CYP51A1: variants seen among roughly 807,000 people sequenced by gnomAD.
CYP51A1 encodes the protein lanosterol 14-alpha demethylase.
A neutral mutation model predicts 53.5 loss-of-function variants in CYP51A1; 45 were observed. That is an observed-to-expected ratio of 0.84 (90% CI 0.66 to 1.08). The LOEUF (loss-of-function observed/expected upper bound fraction) is 1.08. Ranked by LOEUF, CYP51A1 falls within the 50% of genes least tolerant of loss-of-function variation. The pLI is 0.00. For synonymous variants in CYP51A1, 181 were observed against 217.7 expected, an observed-to-expected ratio of 0.83 and a Z score of 1.48; for missense variants, 462 against 621.7, an observed-to-expected ratio of 0.74 and a Z score of 2.73.
chr7:92,123,329 CAA>C lies in CYP51A1; in HGVS notation c.891-16_891-15del, dbSNP rs769922315. The C allele has an allele frequency of 1.1e-5, 17 of 1,594,710 alleles. No individual in the cohort carries two copies. Among genetic ancestry groups the C allele is most frequent in the African/African-American group, 1.4e-5 (1 of 74,044 alleles). On this transcript the variant is annotated splice_polypyrimidine_tract_variant and intron_variant, in intron 6 of 9. Coordinates refer to ENST00000003100, the MANE Select transcript of CYP51A1 (RefSeq NM_000786.4). ...GGACGCCCATCCCTAAGGAATGAAC[CAA>C]AGACACAAATTTAACATTTTGGCAG...
rs1052346781 is a variant in CYP51A1, at chr7:92,112,969, A to ATT, written c.*694_*695dup. 1 of 152,098 alleles carries ATT rather than the reference A, an allele frequency of 6.6e-6. No individual in the cohort carries two copies. The highest frequency in any genetic ancestry group is 2.4e-5 in the African/African-American group (1 of 41,414). 9.4% of individuals were successfully genotyped at this position (152,098 alleles called of 1,614,324 possible). A position where few individuals can be genotyped will look rare whatever the true frequency, so the allele number is the denominator to read the frequency against. On this transcript the variant is annotated 3_prime_UTR_variant, in exon 10 of 10. Coordinates refer to ENST00000003100, the MANE Select transcript of CYP51A1 (RefSeq NM_000786.4). ...TTATCAGGTAAATAAATATGTAATT[A>ATT]TTTAGTAATTAGATCAAGATACATG...
rs1450573397 is a variant in CYP51A1, at chr7:92,113,126, CATTTCT to C, written c.*533_*538del. 1 of 152,108 alleles carries C rather than the reference CATTTCT, an allele frequency of 6.6e-6. No homozygotes were observed. The highest frequency in any genetic ancestry group is 2.4e-5 in the African/African-American group (1 of 41,384). The allele number at this position is 152,108 out of a possible 1,614,324, so 9.4% of individuals were successfully genotyped here. ...GGATTTCTTTTTCCTATAATATCTC[CATTTCT>C]GAGTATCATCATACCAAAACAATTA... On this transcript the variant is annotated 3_prime_UTR_variant, in exon 10 of 10. Transcript: ENST00000003100.
Position 92,120,804 on chromosome 7 carries a change from A to T in CYP51A1, c.1087-2189T>A, listed in dbSNP as rs367984347. 1.5e-4 allele frequency among the ~76,000 whole-genome samples: 23 copies of T among 152,332 alleles called. No individual in the cohort carries two copies. In the East Asian group the frequency reaches 3.3e-3, roughly 22 times the overall value. ...AAATCTTCATACACTTTGATTAGGC[A>T]TTAGTTTCTCTGACACCAAAAGCAC... is the stretch of plus-strand genomic sequence containing the variant. On this transcript the variant is annotated intron_variant, in intron 7 of 9. Transcript: ENST00000003100.
chr7:92,120,142 A>ATCTTATTT (rs1819661104), intron 7 of CYP51A1, among the ~76,000 whole-genome samples: 1 of 152,246 alleles, frequency 6.6e-6, no homozygotes, highest in Admixed American at 6.5e-5. Context: ...AATAAGAGAA[A>ATCTTATTT]GACATCTCAT....
chr7:92,131,729 T>C, intron 2 of CYP51A1, 45 bp downstream of exon 2: 1 of 1,051,168 alleles, frequency 9.5e-7, no homozygotes, highest in East Asian at 2.4e-5. Context: ...AAAGCACTTC[T>C]CTAGTTGTTT....
rs1819923519 is a variant in CYP51A1 at position 92,131,720 on chromosome 7, AAGCACTTCTCT to A, written c.291+43_291+53del. 3 of 991,102 alleles carry A rather than the reference AAGCACTTCTCT, an allele frequency of 3.0e-6. No individual in the cohort carries two copies. In the South Asian group the frequency reaches 4.5e-5, roughly 15 times the overall value. 61.4% of individuals were successfully genotyped at this position (991,102 alleles called of 1,614,324 possible). On this transcript the variant is annotated intron_variant, in intron 2 of 9. Coordinates refer to ENST00000003100, the MANE Select transcript of CYP51A1 (RefSeq NM_000786.4). ...TGCCACTTTTTTAAAAAAGTTTAAA[AAGCACTTCTCT>A]AGTTGTTTTTTTTTTTTTCCTCTAA... is the stretch of plus-strand genomic sequence containing the variant.
intron 8 of CYP51A1, among the ~76,000 whole-genome samples, chr7:92,117,992 A>G (rs1164036086): frequency 6.6e-6 from 1 of 151,910 alleles, no homozygotes; most frequent in East Asian, 1.9e-4. Flanking sequence ...CCGTCTCAAA[A>G]AAAAAAAAAA....
At chr7:92,129,099 G>T in intron 2 of CYP51A1, 43 bp from the exon 3 acceptor site, 1 of 1,321,216 alleles carries the variant, frequency 7.6e-7, no homozygotes, top group South Asian at 1.4e-5. Context: ...CAAAAAATAT[G>T]CAACACTACG....
In CYP51A1 at chr7:92,123,605, G is replaced by A. The variant is rs532637005; in HGVS notation, c.890+129C>T. ...ATAGTTTATGTCTCAACAATTTAAA[G>A]AGTCCAAAGATCACAGCTACCAACT... On this transcript the variant is annotated intron_variant, in intron 6 of 9. Coordinates refer to ENST00000003100, the MANE Select transcript of CYP51A1 (RefSeq NM_000786.4). 65 of 865,650 alleles carry A rather than the reference G, an allele frequency of 7.5e-5. No homozygotes were observed. In the African/African-American group the frequency reaches 9.4e-4, roughly 13 times the overall value. 53.6% of individuals were successfully genotyped at this position (865,650 alleles called of 1,614,324 possible).
At chr7:92,118,754 G>A (rs1375413823) in intron 7 of CYP51A1, 139 bp from the exon 8 acceptor site, 3 of 603,818 alleles carry the variant, frequency 5.0e-6, no homozygotes, top group Non-Finnish European at 9.0e-6. Flanking sequence ...GGGTGGCTGG[G>A]GTTATCATGC....
At chr7:92,128,812 T>C (rs1819860618) in intron 3 of CYP51A1, 68 bp downstream of exon 3, 5 of 1,322,428 alleles carry the variant, frequency 3.8e-6, no homozygotes, top group South Asian at 1.4e-5. Flanking sequence ...AAATGTATAA[T>C]GTCTCACTAT....
chr7:92,127,545 T>C lies in CYP51A1; in HGVS notation c.555A>G (p.Thr185=), dbSNP rs72552785. 7.4e-6 allele frequency: 12 copies of C among 1,612,456 alleles called. No homozygotes were observed. The highest frequency in any genetic ancestry group is 9.3e-6 in the Non-Finnish European group (11 of 1,179,402). The part of the protein sequence containing the change: ...KQHVSIIEKE[T]KEYFESWGES... ...CTCCCCAACTCTCAAAGTATTCCTT[T>C]GTTTCTTTTTCAATTATAGAAACAT... The change falls in exon 4 of 10, where the codon ACA becomes ACG. Residue 185 remains threonine, a synonymous_variant. Transcript: ENST00000003100.
At chr7:92,132,744 G>A (rs532849234) in intron 1 of CYP51A1, among the ~76,000 whole-genome samples, 11 of 152,186 alleles carry the variant, frequency 7.2e-5, no homozygotes, top group Non-Finnish European at 1.3e-4. Flanking sequence ...AAGTGAACTA[G>A]AGCCACTGAT....
intron 5 of CYP51A1, among the ~76,000 whole-genome samples, chr7:92,125,091 C>T (rs1819771282): frequency 6.7e-6 from 1 of 149,806 alleles, no homozygotes; most frequent in South Asian, 2.1e-4. Context: ...TTGCAGTGAG[C>T]CGAGCTCATG....
chr7:92,125,047 GGC>G (rs1819769448), intron 5 of CYP51A1, among the ~76,000 whole-genome samples: 1 of 151,766 alleles, frequency 6.6e-6, no homozygotes, highest in Non-Finnish European at 1.5e-5. Context: ...GGGAGGCTGA[GGC>G]AGGAGAATGG....
chr7:92,128,451 T>C (rs1013829936), intron 3 of CYP51A1, among the ~76,000 whole-genome samples: 4 of 148,020 alleles, frequency 2.7e-5, no homozygotes, highest in Non-Finnish European at 6.0e-5. Flanking sequence ...TGTGTGTGTG[T>C]GTGTGCGCGT....
At chr7:92,129,114 TA>T (rs1819868577) in intron 2 of CYP51A1, 58 bp from the exon 3 acceptor site, 4 of 1,080,058 alleles carry the variant, frequency 3.7e-6, no homozygotes, top group Non-Finnish European at 5.2e-6. Flanking sequence ...ACTACGACAG[TA>T]ACTTTTTAAA....
intron 9 of CYP51A1, among the ~76,000 whole-genome samples, chr7:92,114,152 A>G (rs1819532789): frequency 6.6e-6 from 1 of 152,200 alleles, no homozygotes; most frequent in African/African-American, 2.4e-5. Context: ...GGAATATAGT[A>G]GAATATTCTG....
At chr7:92,124,801 C>T (rs571541981) in intron 5 of CYP51A1, among the ~76,000 whole-genome samples, 65 of 152,166 alleles carry the variant, frequency 4.3e-4, no homozygotes, top group Admixed American at 7.2e-4. Flanking sequence ...ACATAGCAAG[C>T]TCTGACTTCA....
Sources: gnomAD v4.1 joint callset for allele counts (sites outside exome capture counted in the v4.1 genomes callset) on GRCh38, gnomAD v4.1.1 for gene constraint, MANE v1.5 for transcripts, NCBI Gene and HGNC (gene_info 2026-07-23, HGNC 2026-07-21) for gene names.